KAZN: variants seen among roughly 807,000 people sequenced by gnomAD.
The protein encoded by KAZN is kazrin, periplakin interacting protein.
A neutral mutation model predicts 87.4 loss-of-function variants in KAZN; 40 were observed. The observed-to-expected ratio is 0.46, with a 90% CI of 0.36 to 0.60. The LOEUF is 0.60. Among genes scored for constraint, KAZN ranks in the 20% least tolerant of loss-of-function variants. KAZN has a pLI of 0.00. For missense variants in KAZN, 898 were observed against 1,073.9 expected, an observed-to-expected ratio of 0.84 and a Z score of 2.29; for synonymous variants, 466 against 458.3, an observed-to-expected ratio of 1.02 and a Z score of -0.22.
intron 1 of KAZN, among the ~76,000 whole-genome samples, chr1:13,914,265 T>G (rs1161086512): frequency 6.6e-6 from 1 of 152,240 alleles, no homozygotes. Context: ...CTCAGGCACA[T>G]CACTCTGAAC....
intron 1 of KAZN, among the ~76,000 whole-genome samples, chr1:14,170,439 G>A (rs866417009): frequency 6.6e-5 from 10 of 152,026 alleles, no homozygotes; most frequent in African/African-American, 2.4e-4. Context: ...CCAGTGGTAG[G>A]GTCAGCAGTG....
intron 1 of KAZN, among the ~76,000 whole-genome samples, chr1:13,967,103 C>G (rs1422946073): frequency 6.6e-6 from 1 of 152,070 alleles, no homozygotes; most frequent in Non-Finnish European, 1.5e-5. Context: ...GGATGCAGCA[C>G]AGATTAAAGT....
chr1:15,030,699 C>T lies in KAZN; in HGVS notation c.419-4050C>T, dbSNP rs1415757138. Among the ~76,000 whole-genome samples the T allele has an allele frequency of 2.6e-5, 4 of 152,246 alleles. No individual in the cohort carries two copies. The East Asian group carries it at 5.8e-4, about 22-fold the overall frequency. On this transcript the variant is annotated intron_variant, in intron 2 of 14. Transcript: ENST00000376030. ...CTGCCTGAGGCCTGCAGGGCCCACC[C>T]GCTGCCTGGCAGGAGTGAAGCAGAA...
chr1:14,172,307 C>A lies in KAZN; in HGVS notation c.92-8128C>A, dbSNP rs149513999. The stretch of plus-strand genomic sequence containing the variant: ...GCCAAATGGAGAAGAATGTGCATAC[C>A]ACACAATTCTAGGATGATGGGGCAG... On this transcript the variant is annotated intron_variant, in intron 1 of 16. Coordinates refer to the KAZN transcript ENST00000636203. 4.5e-3 allele frequency among the ~76,000 whole-genome samples: 686 copies of A among 152,230 alleles called. 5 individuals carry two copies. Among genetic ancestry groups the A allele is most frequent in the African/African-American group, 0.015 (630 of 41,534 alleles).
chr1:14,229,119 A>G (rs1000191110), intron 2 of KAZN, among the ~76,000 whole-genome samples: 1 of 152,196 alleles, frequency 6.6e-6, no homozygotes, highest in African/African-American at 2.4e-5. Flanking sequence ...CTCTATTTTT[A>G]TGATCTTTAA....
At chr1:14,579,378 C>A (rs1030676633) in intron 2 of KAZN, among the ~76,000 whole-genome samples, 10 of 152,140 alleles carry the variant, frequency 6.6e-5, no homozygotes, top group Non-Finnish European at 1.0e-4. Flanking sequence ...GTAATCCCAG[C>A]ACTTTGGGAG....
At chr1:15,068,052 T>G (rs1031598927) in intron 8 of KAZN, 81 of 767,968 alleles carry the variant, frequency 1.1e-4, no homozygotes, top group Middle Eastern at 1.3e-3. Context: ...TGGGTAACAT[T>G]AGACGAAAAT....
chr1:13,941,500 C>T (rs1640925488), intron 1 of KAZN, among the ~76,000 whole-genome samples: 1 of 152,128 alleles, frequency 6.6e-6, no homozygotes, highest in African/African-American at 2.4e-5. Context: ...CAAACCTTGG[C>T]AAGTCAAGTC....
chr1:14,044,813 C>G (rs562696777), intron 1 of KAZN, among the ~76,000 whole-genome samples: 1 of 152,308 alleles, frequency 6.6e-6, no homozygotes, highest in East Asian at 1.9e-4. Context: ...CTCCCTGAAT[C>G]TGTTGTACCT....
intron 1 of KAZN, among the ~76,000 whole-genome samples, chr1:13,997,624 T>C (rs538270645): frequency 5.3e-5 from 8 of 151,770 alleles, no homozygotes; most frequent in Admixed American, 2.0e-4. Flanking sequence ...ATATCAGAGT[T>C]TGATGACCAC....
chr1:15,055,236 G>A (rs1304549356), intron 4 of KAZN, among the ~76,000 whole-genome samples: 1 of 152,200 alleles, frequency 6.6e-6, no homozygotes, highest in Non-Finnish European at 1.5e-5. Flanking sequence ...CAGCACTTTG[G>A]GAGGCCGAGG....
Position 15,115,269 on chromosome 1 carries a change from T to C in KAZN, c.*634T>C, listed in dbSNP as rs1641804009. 6.6e-6 allele frequency: 1 copy of C among 152,322 alleles called. No individual in the cohort carries two copies. The allele number at this position is 152,322 out of a possible 1,614,324, so 9.4% of individuals were successfully genotyped here. ...CTGTGACACATGGGGGTGGACGTATTGAAGAGCTGTTTGCCGATCCACCCA... is the reference window on the plus strand; with the variant it reads ...CTGTGACACATGGGGGTGGACGTATCGAAGAGCTGTTTGCCGATCCACCCA... On this transcript the variant is annotated 3_prime_UTR_variant, in exon 15 of 15. Transcript: ENST00000376030. This position sits in a 1 kb window ranked among gnomAD's most constrained non-coding sequence, Gnocchi z 4.1.
chr1:14,787,295 G>A (rs1000931309), intron 1 of KAZN, among the ~76,000 whole-genome samples: 25 of 152,174 alleles, frequency 1.6e-4, no homozygotes, highest in South Asian at 6.2e-4. Context: ...AGAAGTAGGC[G>A]TTTTTCTCGT....
chr1:14,927,721 C>T (rs1300948512), intron 1 of KAZN, among the ~76,000 whole-genome samples: 1 of 152,210 alleles, frequency 6.6e-6, no homozygotes, highest in African/African-American at 2.4e-5. Flanking sequence ...TTTCTCTTAA[C>T]CCCGAGCTCA....
At chr1:14,052,963 C>A (rs756302159) in intron 1 of KAZN, among the ~76,000 whole-genome samples, 8 of 152,140 alleles carry the variant, frequency 5.3e-5, no homozygotes, top group Non-Finnish European at 1.0e-4. Flanking sequence ...AGGAGGTTTC[C>A]GGGCCCTGGT....
chr1:14,545,030 C>G (rs577166964), intron 2 of KAZN, among the ~76,000 whole-genome samples: 1 of 152,262 alleles, frequency 6.6e-6, no homozygotes, highest in African/African-American at 2.4e-5. Flanking sequence ...TCACCTAAAC[C>G]TGGCAAAGGG....
intron 1 of KAZN, among the ~76,000 whole-genome samples, chr1:14,120,385 A>T (rs1403277221): frequency 1.3e-5 from 2 of 151,672 alleles, no homozygotes; most frequent in Non-Finnish European, 2.9e-5. Context: ...ATGAGAAACC[A>T]CCCCCACGAT....
chr1:14,182,845 G>A (rs1281925911), intron 2 of KAZN, among the ~76,000 whole-genome samples: 1 of 152,130 alleles, frequency 6.6e-6, no homozygotes, highest in African/African-American at 2.4e-5. Flanking sequence ...CCGATAGAAT[G>A]TAGATATAAC....
At chr1:14,712,224 A>G (rs1402574600) in intron 1 of KAZN, among the ~76,000 whole-genome samples, 11 of 152,196 alleles carry the variant, frequency 7.2e-5, no homozygotes, top group Non-Finnish European at 1.6e-4. Context: ...GACACCATAC[A>G]GAGAAGAGAT....
Sources: allele counts gnomAD v4.1 joint callset (sites outside exome capture counted in the v4.1 genomes callset), GRCh38; gene constraint gnomAD v4.1.1; non-coding constraint Gnocchi (gnomAD v3.1); transcripts MANE v1.5; gene names NCBI Gene and HGNC (gene_info 2026-07-23, HGNC 2026-07-21).